KIF6: variants seen among roughly 807,000 people sequenced by gnomAD.
KIF6 encodes the protein kinesin-like protein KIF6.
A neutral mutation model predicts 112.7 loss-of-function variants in KIF6; 106 were observed. That is an observed-to-expected ratio of 0.94 (90% CI 0.80 to 1.11). The LOEUF is 1.11. Among genes scored for constraint, KIF6 ranks in the 50% least tolerant of loss-of-function variants. The pLI is 0.00. For missense variants in KIF6, 929 were observed against 964.0 expected (o/e 0.96, Z 0.48); for synonymous variants, 339 against 339.9 (o/e 1.00, Z 0.03).
At position 39,613,224 on chromosome 6, in the gene KIF6, G is replaced by C. The variant is rs760794846; in HGVS notation, c.604C>G (p.Leu202Val). 6.2e-7 allele frequency: 1 copy of C among 1,602,116 alleles called. No individual in the cohort carries two copies. Among genetic ancestry groups the C allele is most frequent in the South Asian group, 1.1e-5 (1 of 88,964 alleles). ...ATTEEEALNL[L>V]FLGDTNRMIA... ...ATTCGGTTGGTGTCTCCTAAAAAAA[G>C]CAAATTCAGAGCTTCTTCCTCTGTG... The change falls in exon 6 of 23, where the codon CTT (leucine) becomes GTT (valine). Residue 202 changes from leucine to valine, a missense_variant. Physicochemically the swap from Leu to Val is conservative, Grantham distance 32. This residue lies in a region of KIF6 where 688 missense variants were observed against 662.7 expected (regional missense o/e 1.04). Transcript: ENST00000287152.
Position 39,650,864 on chromosome 6 carries a change from A to G in KIF6, c.252-11107T>C, listed in dbSNP as rs114490133. On this transcript the variant is annotated intron_variant, in intron 3 of 22. Transcript: ENST00000287152. ...TCCTGAGTTCTCTGTCAGTAAATTG[A>G]TCAATCACATTTCTTAAGCATTCAT... Among the ~76,000 whole-genome samples, 1,255 of 152,282 alleles carry G rather than the reference A, an allele frequency of 8.2e-3. 6 individuals are homozygous for G. The highest frequency in any genetic ancestry group is 0.013 in the Non-Finnish European group (888 of 68,016).
At chr6:39,683,414 G>A (rs542249413) in intron 3 of KIF6, among the ~76,000 whole-genome samples, 2 of 152,274 alleles carry the variant, frequency 1.3e-5, no homozygotes, top group Non-Finnish European at 2.9e-5. Flanking sequence ...CATTTACTAA[G>A]AAAAGGATAA....
chr6:39,576,778 G>GCTT (rs1433135567), intron 10 of KIF6, among the ~76,000 whole-genome samples: 1 of 152,156 alleles, frequency 6.6e-6, no homozygotes, highest in Admixed American at 6.5e-5. Context: ...CTGGGGTGTT[G>GCTT]CTTCATTTCC....
intron 22 of KIF6, among the ~76,000 whole-genome samples, chr6:39,341,118 C>G (rs1014880830): frequency 6.6e-6 from 1 of 152,184 alleles, no homozygotes; most frequent in African/African-American, 2.4e-5. Flanking sequence ...TTAGCTCCAG[C>G]CCAGTTCTCT....
In KIF6 at chr6:39,431,171, G is replaced by C. The variant is rs1252899482; in HGVS notation, c.1646-10C>G. ...ATTTCCTCTCTCATTCCTGTTTGGA[G>C]ACACAGGGAAATGGCCTCAGTCACA... On this transcript the variant is annotated splice_polypyrimidine_tract_variant and intron_variant, in intron 13 of 22. Coordinates refer to ENST00000287152, the MANE Select transcript of KIF6 (RefSeq NM_145027.6). The C allele has an allele frequency of 6.6e-7, 1 of 1,518,152 alleles. No homozygotes were observed. Among genetic ancestry groups the C allele is most frequent in the East Asian group, 2.3e-5 (1 of 44,290 alleles). The allele number at this position is 1,518,152 out of a possible 1,614,324, so 94.0% of individuals were successfully genotyped here. A position where few individuals can be genotyped will look rare whatever the true frequency, so the allele number is the denominator to read the frequency against.
At chr6:39,353,736 C>G (rs1764429277) in intron 19 of KIF6, 1 of 214,572 alleles carries the variant, frequency 4.7e-6, no homozygotes, top group Non-Finnish European at 9.5e-6. Flanking sequence ...TGAGAGGGCA[C>G]TGGGTCTGGG....
intron 16 of KIF6, among the ~76,000 whole-genome samples, chr6:39,381,011 C>T (rs996425229): frequency 1.3e-5 from 2 of 152,186 alleles, no homozygotes; most frequent in Admixed American, 6.5e-5. Context: ...ATGGACTGAG[C>T]CAGCTCAGCA....
intron 19 of KIF6, among the ~76,000 whole-genome samples, chr6:39,351,888 C>T (rs1424477636): frequency 6.6e-6 from 1 of 152,174 alleles, no homozygotes; most frequent in African/African-American, 2.4e-5. Context: ...TTGTGTTTTT[C>T]AGATGTGCTG....
intron 7 of KIF6, among the ~76,000 whole-genome samples, chr6:39,592,281 C>T (rs1195207189): frequency 1.3e-5 from 2 of 152,176 alleles, no homozygotes; most frequent in Admixed American, 6.5e-5. Flanking sequence ...AGAAACTGTG[C>T]TTGCAATCAA....
chr6:39,682,090 A>G (rs745520207), intron 3 of KIF6, among the ~76,000 whole-genome samples: 61 of 152,354 alleles, frequency 4.0e-4, no homozygotes, highest in Middle Eastern at 3.4e-3. Flanking sequence ...TAATAAGAAG[A>G]CAGAAAAGAA....
chr6:39,724,739 C>G (rs1437368683), intron 1 of KIF6, among the ~76,000 whole-genome samples: 1 of 152,172 alleles, frequency 6.6e-6, no homozygotes, highest in Admixed American at 6.5e-5. Context: ...GTGCAAAGTA[C>G]TACATATGTG....
At chr6:39,501,764 G>C (rs1776145676) in intron 13 of KIF6, among the ~76,000 whole-genome samples, 1 of 152,092 alleles carries the variant, frequency 6.6e-6, no homozygotes, top group Non-Finnish European at 1.5e-5. Flanking sequence ...GATTAAGACA[G>C]GCAGACAAGA....
intron 15 of KIF6, among the ~76,000 whole-genome samples, chr6:39,396,531 C>T (rs577996505): frequency 3.3e-5 from 5 of 152,222 alleles, no homozygotes; most frequent in South Asian, 2.1e-4. Context: ...GAGTGGAAAA[C>T]GGCAGGAGAA....
intron 3 of KIF6, among the ~76,000 whole-genome samples, chr6:39,677,908 A>G (rs1787262714): frequency 7.0e-6 from 1 of 142,550 alleles, no homozygotes; most frequent in Non-Finnish European, 1.5e-5. Context: ...TATATGTGCC[A>G]CATTTTCTTA....
chr6:39,432,784 G>A (rs1157160400), intron 13 of KIF6, among the ~76,000 whole-genome samples: 1 of 152,210 alleles, frequency 6.6e-6, no homozygotes, highest in Non-Finnish European at 1.5e-5. Flanking sequence ...TCTGCACCCA[G>A]TTCTAACAGT....
At chr6:39,389,603 A>G (rs1021745437) in intron 15 of KIF6, among the ~76,000 whole-genome samples, 2 of 152,158 alleles carry the variant, frequency 1.3e-5, no homozygotes, top group African/African-American at 4.8e-5. Flanking sequence ...CTCCTCCATC[A>G]GGGATGGTTT....
intron 13 of KIF6, among the ~76,000 whole-genome samples, chr6:39,438,800 C>T (rs1771728792): frequency 1.3e-5 from 2 of 152,240 alleles, no homozygotes; most frequent in Admixed American, 1.3e-4. Context: ...CACACTCACT[C>T]ACCACTCACT....
chr6:39,373,492 CT>C (rs1447628594), intron 16 of KIF6, among the ~76,000 whole-genome samples: 1 of 152,110 alleles, frequency 6.6e-6, no homozygotes, highest in East Asian at 1.9e-4. Flanking sequence ...AACCAAAAAA[CT>C]TTTGGTTGAT....
At position 39,345,824 on chromosome 6, in the gene KIF6, G is replaced by A. The variant is rs1393460469; in HGVS notation, c.2232-35C>T. 2.7e-6 allele frequency: 4 copies of A among 1,497,524 alleles called. No individual in the cohort carries two copies. The Admixed American group carries it at 5.2e-5, about 19-fold the overall frequency. The allele number at this position is 1,497,524 out of a possible 1,614,324, so 92.8% of individuals were successfully genotyped here. On this transcript the variant is annotated intron_variant, in intron 20 of 22. Coordinates refer to ENST00000287152, the MANE Select transcript of KIF6 (RefSeq NM_145027.6). ...ACAAACAAACAAAAGCAAAAGGAAT[G>A]GGGGCAAATTTATAGAAGGAAATTC...
Sources: allele counts gnomAD v4.1 joint callset (sites outside exome capture counted in the v4.1 genomes callset), GRCh38; gene constraint gnomAD v4.1.1; regional missense constraint gnomAD v4.1.1; transcripts MANE v1.5; gene names NCBI Gene and HGNC (gene_info 2026-07-23, HGNC 2026-07-21).